MBTPS2: variants seen among roughly 807,000 people sequenced by gnomAD.
The protein encoded by MBTPS2 is membrane-bound transcription factor site-2 protease.
A neutral mutation model predicts 35.4 loss-of-function variants in MBTPS2; 2 were observed. The ratio of observed to expected loss-of-function variants is 0.06; its 90% CI spans 0.02 to 0.18. MBTPS2 has a LOEUF of 0.18. Among genes scored for constraint, MBTPS2 ranks in the 10% least tolerant of loss-of-function variants. The pLI is 1.00. For synonymous variants in MBTPS2, 125 were observed against 140.4 expected, an observed-to-expected ratio of 0.89 and a Z score of 0.77; for missense variants, 244 against 386.5, an observed-to-expected ratio of 0.63 and a Z score of 3.09.
At chrX:21,876,906 G>A (rs73444523) in intron 7 of MBTPS2, among the ~76,000 whole-genome samples, 6,459 of 111,579 alleles carry the variant, frequency 0.058, 401 homozygotes, top group African/African-American at 0.19. Flanking sequence ...GTAGTCCTGA[G>A]AAACAGGGAT....
intron 5 of MBTPS2, among the ~76,000 whole-genome samples, chrX:21,863,645 A>G (rs57451361): frequency 0.031 from 3,503 of 111,856 alleles, 140 homozygotes; most frequent in African/African-American, 0.11. Flanking sequence ...CTTAAAATTG[A>G]CACCTAATGT....
At chrX:21,857,408 G>C (rs1242796959) in intron 5 of MBTPS2, 1 of 1,210,692 alleles carries the variant, frequency 8.3e-7, no homozygotes, top group Non-Finnish European at 1.1e-6. Context: ...ACACCGGCGA[G>C]AAGCCCTTTC....
At chrX:21,881,229 A>G (rs1007546213) in intron 10 of MBTPS2, among the ~76,000 whole-genome samples, 4 of 112,432 alleles carry the variant, frequency 3.6e-5, no homozygotes, top group South Asian at 7.4e-4. Flanking sequence ...AATTGAATTT[A>G]CAAGTCTAAA....
chrX:21,852,127 C>T (rs2092915447), intron 4 of MBTPS2, among the ~76,000 whole-genome samples: 1 of 111,923 alleles, frequency 8.9e-6, no homozygotes, highest in Admixed American at 9.5e-5. Flanking sequence ...CTGGGACTAG[C>T]TTTGAGTATC....
chrX:21,857,662 A>C, intron 5 of MBTPS2: 1 of 1,077,612 alleles, frequency 9.3e-7, no homozygotes, highest in Non-Finnish European at 1.2e-6. Flanking sequence ...GTAGGGAATA[A>C]ATATGCCTCT....
At position 21,841,068 on chromosome X, in the gene MBTPS2, C is replaced by T. The variant is rs190621531; in HGVS notation, c.75+1259C>T. Among the ~76,000 whole-genome samples, 117 of 111,531 alleles carry T rather than the reference C, an allele frequency of 1.0e-3. 1 individual carries two copies. Among genetic ancestry groups the T allele is most frequent in the Non-Finnish European group, 8.3e-4 (44 of 53,130 alleles). On this transcript the variant is annotated intron_variant, in intron 1 of 10. Transcript: ENST00000379484. Reference sequence around the variant, plus strand: ...GGCCTCACCCCTGACCTAGGGAATCCGAATCTGCATCTTAGCAAGATCCCA... The same window carrying T: ...GGCCTCACCCCTGACCTAGGGAATCTGAATCTGCATCTTAGCAAGATCCCA...
intron 5 of MBTPS2, among the ~76,000 whole-genome samples, chrX:21,854,258 T>C (rs2087887194): frequency 8.9e-6 from 1 of 111,936 alleles, no homozygotes; most frequent in Admixed American, 9.5e-5. Context: ...ACATAAACTT[T>C]TCAAGTTATC....
intron 3 of MBTPS2, 138 bp downstream of exon 3, chrX:21,845,522 C>T: frequency 1.7e-6 from 1 of 573,076 alleles, no homozygotes. Flanking sequence ...TACCTGCTTA[C>T]ACAAAAAAAT....
rs1242816112 is a variant in MBTPS2 at position 21,878,459 on chromosome X, T to A, written c.1066-38T>A. ...GGAATGTAACTTAGGTTTTTCTTAA[T>A]CATTTTTAATATTGACTGATTAATA... On this transcript the variant is annotated intron_variant, in intron 8 of 10. Coordinates refer to ENST00000379484, the MANE Select transcript of MBTPS2 (RefSeq NM_015884.4). The A allele has an allele frequency of 3.9e-6, 4 of 1,031,124 alleles. No individual in the cohort carries two copies. In the East Asian group the frequency reaches 1.2e-4, roughly 31 times the overall value. The allele number at this position is 1,031,124 out of a possible 1,213,427, so 85.0% of individuals were successfully genotyped here.
chrX:21,862,943 T>TAA (rs1180929303), intron 5 of MBTPS2, among the ~76,000 whole-genome samples: 19 of 44,167 alleles, frequency 4.3e-4, no homozygotes, highest in African/African-American at 1.9e-3. Flanking sequence ...CATATATATA[T>TAA]ATATATATAT....
At chrX:21,845,501 A>G in intron 3 of MBTPS2, 117 bp downstream of exon 3, 1 of 713,631 alleles carries the variant, frequency 1.4e-6, no homozygotes, top group Non-Finnish European at 2.0e-6. Flanking sequence ...AAAGTCTCAT[A>G]ATTTTCAAAT....
chrX:21,868,717 G>C, intron 6 of MBTPS2, 132 bp downstream of exon 6: 2 of 536,319 alleles, frequency 3.7e-6, no homozygotes, highest in Non-Finnish European at 3.3e-6. Context: ...AATTACTGTA[G>C]TCCTCTCAAA....
At chrX:21,852,226 T>C (rs1233402020) in intron 4 of MBTPS2, among the ~76,000 whole-genome samples, 2 of 111,731 alleles carry the variant, frequency 1.8e-5, no homozygotes, top group Non-Finnish European at 3.8e-5. Flanking sequence ...AAAATCATGA[T>C]GGGGAGAGGG....
rs2092961637 is a variant in MBTPS2, at chrX:21,883,594, G to A, written c.*939G>A. Reference sequence around the variant, plus strand: ...TCAGGACATCTGGGGCCTAGCTCCTGGGTTCCTGTCTCCAAGAAGCAATGA... The same window carrying A: ...TCAGGACATCTGGGGCCTAGCTCCTAGGTTCCTGTCTCCAAGAAGCAATGA... On this transcript the variant is annotated 3_prime_UTR_variant, in exon 11 of 11. Transcript: ENST00000379484. 1.3e-6 allele frequency: 1 copy of A among 751,849 alleles called. No individual in the cohort carries two copies. The highest frequency in any genetic ancestry group is 1.6e-6 in the Non-Finnish European group (1 of 638,825). 62.0% of individuals were successfully genotyped at this position (751,849 alleles called of 1,213,427 possible). A position where few individuals can be genotyped will look rare whatever the true frequency, so the allele number is the denominator to read the frequency against.
rs1191679832 is a variant in MBTPS2, at chrX:21,853,387, G to A, written c.554G>A (p.Arg185Gln). Residue 185 changes from arginine to glutamine, a missense_variant, in exon 5 of 11, where the codon CGA becomes CAA. Physicochemically the swap from Arg to Gln is conservative, Grantham distance 43. Transcript: ENST00000379484. ...HGIAAIREQV[R>Q]FNGFGIFLFI... ...ATGTGATTTCTTAGGGAACAAGTTCGATTTAATGGCTTTGGGATTTTTCTC... is the reference window on the plus strand; with the variant it reads ...ATGTGATTTCTTAGGGAACAAGTTCAATTTAATGGCTTTGGGATTTTTCTC... 8.3e-7 allele frequency: 1 copy of A among 1,199,577 alleles called. No homozygotes were observed. The highest frequency in any genetic ancestry group is 2.2e-5 in the Admixed American group (1 of 45,902).
At chrX:21,853,936 G>A (rs2092917519) in intron 5 of MBTPS2, among the ~76,000 whole-genome samples, 1 of 111,323 alleles carries the variant, frequency 9.0e-6, no homozygotes, top group Non-Finnish European at 1.9e-5. Flanking sequence ...CAGAGAAACA[G>A]AATCCCTTGG....
Position 21,883,378 on chromosome X carries a change from G to A in MBTPS2, c.*723G>A. ...GCACTAGCTTTGACATCCACGGTGAGCTGCAGGAAGCATCACACACCAGCA... is the reference window on the plus strand; with the variant it reads ...GCACTAGCTTTGACATCCACGGTGAACTGCAGGAAGCATCACACACCAGCA... On this transcript the variant is annotated 3_prime_UTR_variant, in exon 11 of 11. Coordinates refer to ENST00000379484, the MANE Select transcript of MBTPS2 (RefSeq NM_015884.4). 1.3e-6 allele frequency: 1 copy of A among 754,951 alleles called. No individual in the cohort carries two copies. Among genetic ancestry groups the A allele is most frequent in the Non-Finnish European group, 1.6e-6 (1 of 639,938 alleles). 62.2% of individuals were successfully genotyped at this position (754,951 alleles called of 1,213,427 possible).
At chrX:21,872,692 T>G (rs1313296626) in intron 7 of MBTPS2, 4 of 110,246 alleles carry the variant, frequency 3.6e-5, no homozygotes, top group Non-Finnish European at 7.6e-5. Flanking sequence ...AAATATCACT[T>G]AAAATACATA....
rs1255217630 is a variant in MBTPS2 at position 21,883,835 on chromosome X, C to T, written c.*1180C>T. The stretch of plus-strand genomic sequence containing the variant: ...GATTCTTGAGCCCAGAAGAGCCACG[C>T]CTGCTTTGAGGTCTTTTGGAGTGGA... On this transcript the variant is annotated 3_prime_UTR_variant, in exon 11 of 11. Coordinates refer to ENST00000379484, the MANE Select transcript of MBTPS2 (RefSeq NM_015884.4). The T allele has an allele frequency of 2.7e-6, 2 of 752,152 alleles. No individual in the cohort carries two copies. Among genetic ancestry groups the T allele is most frequent in the African/African-American group, 4.6e-5 (2 of 43,036 alleles). The allele number at this position is 752,152 out of a possible 1,213,427, so 62.0% of individuals were successfully genotyped here.
Sources: gnomAD v4.1 joint callset for allele counts (sites outside exome capture counted in the v4.1 genomes callset) on GRCh38, gnomAD v4.1.1 for gene constraint, MANE v1.5 for transcripts, NCBI Gene and HGNC (gene_info 2026-07-23, HGNC 2026-07-21) for gene names.